CCDC171: variants seen among roughly 807,000 people sequenced by gnomAD.
CCDC171 encodes the protein coiled-coil domain containing 171.
A neutral mutation model predicts 168.2 loss-of-function variants in CCDC171; 177 were observed. The ratio of observed to expected loss-of-function variants is 1.05; its 90% CI spans 0.93 to 1.19. The LOEUF is 1.19. Among genes scored for constraint, CCDC171 ranks in the 50% most tolerant of loss-of-function variants. The probability of loss-of-function intolerance (pLI) is 0.00; values close to 1 mark genes in which losing one functional copy is unlikely to be tolerated. For synonymous variants in CCDC171, 687 were observed against 540.8 expected (o/e 1.27, Z -3.75); for missense variants, 1,991 against 1,539.0 (o/e 1.29, Z -4.91).
chr9:16,057,264 C>T (rs892994837), intron 1 of CCDC171, among the ~76,000 whole-genome samples: 1 of 152,096 alleles, frequency 6.6e-6, no homozygotes. Flanking sequence ...CCCAAAGTCA[C>T]GAAACAAGAA....
At chr9:15,781,881 A>G (rs2057686554) in intron 20 of CCDC171, among the ~76,000 whole-genome samples, 3 of 152,084 alleles carry the variant, frequency 2.0e-5, no homozygotes, top group African/African-American at 7.2e-5. Context: ...ATTATTTCTA[A>G]TTTACAGATG....
chr9:15,647,195 G>A (rs554718733), intron 7 of CCDC171, among the ~76,000 whole-genome samples: 2 of 152,238 alleles, frequency 1.3e-5, no homozygotes, highest in East Asian at 3.9e-4. Context: ...GATGTTCTTT[G>A]AAACCAACGA....
chr9:15,730,765 G>A (rs996635162), intron 16 of CCDC171, among the ~76,000 whole-genome samples: 1 of 151,718 alleles, frequency 6.6e-6, no homozygotes, highest in East Asian at 1.9e-4. Flanking sequence ...ATCAACAAAC[G>A]TGCCATCTAA....
chr9:15,856,210 T>C (rs2061343306), intron 23 of CCDC171, among the ~76,000 whole-genome samples: 1 of 151,968 alleles, frequency 6.6e-6, no homozygotes, highest in Non-Finnish European at 1.5e-5. Context: ...TCTAGCCTCT[T>C]AATGGATTTT....
chr9:15,586,199 G>C (rs1255980273), intron 4 of CCDC171, among the ~76,000 whole-genome samples: 1 of 152,166 alleles, frequency 6.6e-6, no homozygotes, highest in Non-Finnish European at 1.5e-5. Context: ...TGCATTGAAG[G>C]ATGGATGAAT....
At chr9:16,016,849 T>G (rs999278372) in intron 3 of CCDC171, among the ~76,000 whole-genome samples, 3 of 152,110 alleles carry the variant, frequency 2.0e-5, no homozygotes, top group African/African-American at 7.2e-5. Context: ...CATCTAGGAG[T>G]AAAAATTAGT....
intron 1 of CCDC171, among the ~76,000 whole-genome samples, chr9:16,053,171 T>C (rs1270299008): frequency 6.6e-6 from 1 of 152,228 alleles, no homozygotes; most frequent in Non-Finnish European, 1.5e-5. Flanking sequence ...CTATTGGAGA[T>C]CTACAGGCAG....
At chr9:15,867,398 CATG>C (rs2061835114) in intron 23 of CCDC171, among the ~76,000 whole-genome samples, 1 of 151,914 alleles carries the variant, frequency 6.6e-6, no homozygotes, top group Admixed American at 6.6e-5. Context: ...AAAGTTGAAA[CATG>C]ATCCTCTGCC....
intron 4 of CCDC171, among the ~76,000 whole-genome samples, chr9:15,590,981 C>G (rs796791349): frequency 4.6e-5 from 7 of 152,010 alleles, no homozygotes; most frequent in African/African-American, 1.2e-4. Flanking sequence ...TCCAGAGTAG[C>G]TGGGATTACA....
At chr9:15,570,959 G>A (rs963531946) in intron 2 of CCDC171, among the ~76,000 whole-genome samples, 5 of 152,150 alleles carry the variant, frequency 3.3e-5, no homozygotes, top group African/African-American at 1.2e-4. Context: ...TGGTATAGGG[G>A]ATGGGGATCT....
chr9:15,831,487 A>T (rs1193579499), intron 21 of CCDC171, among the ~76,000 whole-genome samples: 1 of 152,140 alleles, frequency 6.6e-6, no homozygotes, highest in African/African-American at 2.4e-5. Context: ...GCTTACTGGT[A>T]TTTTTTCTGC....
At chr9:15,864,272 C>G (rs921804982) in intron 23 of CCDC171, among the ~76,000 whole-genome samples, 1 of 151,938 alleles carries the variant, frequency 6.6e-6, no homozygotes, top group Non-Finnish European at 1.5e-5. Context: ...ATAGCTCTAC[C>G]AGTAGGCTTT....
intron 17 of CCDC171, 127 bp downstream of exon 17, chr9:15,744,904 C>T: frequency 1.2e-6 from 1 of 865,550 alleles, no homozygotes; most frequent in East Asian, 2.7e-5. Context: ...ACATAGTCTC[C>T]ATATGTACGT....
intron 21 of CCDC171, among the ~76,000 whole-genome samples, chr9:15,822,028 G>A (rs921352645): frequency 3.3e-5 from 5 of 151,980 alleles, no homozygotes; most frequent in African/African-American, 9.7e-5. Flanking sequence ...AAATAATGCT[G>A]CATATCTACA....
chr9:15,869,320 C>T (rs1047506515), intron 23 of CCDC171, among the ~76,000 whole-genome samples: 1 of 151,990 alleles, frequency 6.6e-6, no homozygotes, highest in African/African-American at 2.4e-5. Flanking sequence ...ATGTAACCAT[C>T]CTATCCCTGA....
At chr9:15,574,556 G>T (rs986094342) in intron 3 of CCDC171, among the ~76,000 whole-genome samples, 1 of 152,194 alleles carries the variant, frequency 6.6e-6, no homozygotes, top group Non-Finnish European at 1.5e-5. Flanking sequence ...TGGGATTACA[G>T]GTGTAAGCCA....
the CCDC171 span, among the ~76,000 whole-genome samples, chr9:16,102,228 T>C: frequency 1.3e-5 from 2 of 152,074 alleles, no homozygotes; most frequent in Non-Finnish European, 1.5e-5. Flanking sequence ...AATTACGATA[T>C]TGTCTGTTTT....
intron 6 of CCDC171, among the ~76,000 whole-genome samples, chr9:15,613,024 A>G (rs1230978682): frequency 1.3e-5 from 2 of 152,186 alleles, no homozygotes; most frequent in Non-Finnish European, 2.9e-5. Context: ...GGGGTTCTAT[A>G]TACAAATTTT....
chr9:16,014,689 C>A (rs1343523807), intron 3 of CCDC171, among the ~76,000 whole-genome samples: 1 of 152,136 alleles, frequency 6.6e-6, no homozygotes, highest in Non-Finnish European at 1.5e-5. Context: ...ATATCCATCT[C>A]CTTGTATATC....
Sources: allele counts gnomAD v4.1 joint callset (sites outside exome capture counted in the v4.1 genomes callset), GRCh38; gene constraint gnomAD v4.1.1; transcripts MANE v1.5; gene names NCBI Gene and HGNC (gene_info 2026-07-23, HGNC 2026-07-21).